Variants in DCTN4 observed in about 807,000 individuals in gnomAD.
The protein encoded by DCTN4 is dynactin 4 (p62).
A neutral mutation model predicts 62.7 loss-of-function variants in DCTN4; 23 were observed. The observed-to-expected ratio is 0.37, with a 90% CI of 0.26 to 0.52. The LOEUF (loss-of-function observed/expected upper bound fraction) is 0.52, where lower values mean the gene tolerates loss of function less well. Among genes scored for constraint, DCTN4 ranks in the 20% least tolerant of loss-of-function variants. DCTN4 has a pLI of 0.92. For synonymous variants in DCTN4, 199 were observed against 202.1 expected (o/e 0.98, Z 0.13); for missense variants, 514 against 580.4 (o/e 0.89, Z 1.18).
chr5:150,715,747 GAAGCAC>G (rs1370747589), intron 11 of DCTN4, 85 bp from the exon 12 acceptor site: 2 of 1,050,940 alleles, frequency 1.9e-6, no homozygotes, highest in African/African-American at 3.1e-5. Context: ...TAGACAAATG[GAAGCAC>G]ACAGCAAGTT....
At position 150,718,264 on chromosome 5, in the gene DCTN4, A is replaced by C. The variant is rs1759838231; in HGVS notation, c.1071+12T>G. The C allele has an allele frequency of 6.2e-7, 1 of 1,601,172 alleles. No individual in the cohort carries two copies. The highest frequency in any genetic ancestry group is 1.1e-5 in the South Asian group (1 of 90,488). On this transcript the variant is annotated intron_variant, in intron 11 of 12. Transcript: ENST00000447998. ...AGTGCGGGTCAGTCAGGCTGAGGCA[A>C]AATGCTCCTACCTTAGCAGTGCTGT...
intron 3 of DCTN4, 85 bp from the exon 4 acceptor site, chr5:150,742,242 A>G: frequency 1.5e-6 from 2 of 1,379,296 alleles, no homozygotes. Context: ...GGCCATAAAA[A>G]GAAACTTAAA....
At position 150,710,876 on chromosome 5, in the gene DCTN4, T is replaced by C; in HGVS notation, c.*273A>G. The C allele has an allele frequency of 2.2e-6, 1 of 449,372 alleles. No homozygotes were observed. The highest frequency in any genetic ancestry group is 4.1e-6 in the Non-Finnish European group (1 of 243,334). 27.8% of individuals were successfully genotyped at this position (449,372 alleles called of 1,614,324 possible). ...CCATTCCAAGGAACACCCATCCCCT[T>C]TCCTAGGATGGAATTATGCTGCTGT... On this transcript the variant is annotated 3_prime_UTR_variant, in exon 13 of 13. Transcript: ENST00000447998.
chr5:150,717,499 T>C (rs13354573), intron 11 of DCTN4, among the ~76,000 whole-genome samples: 35,486 of 152,178 alleles, frequency 0.23, 9,307 homozygotes, highest in African/African-American at 0.65. Flanking sequence ...CCACTCACCT[T>C]GGCCTCCCAA....
rs1759496673 is a variant in DCTN4 at position 150,709,856 on chromosome 5, T to C, written c.*1293A>G. On this transcript the variant is annotated 3_prime_UTR_variant, in exon 13 of 13. Coordinates refer to ENST00000447998, the MANE Select transcript of DCTN4 (RefSeq NM_016221.4). ...AAATCTGTATTTTCCTCAAGTCTCT[T>C]GGCCACTTACTAACAATACTTTTAC... The C allele has an allele frequency of 6.6e-6, 1 of 152,374 alleles. No individual in the cohort carries two copies. The highest frequency in any genetic ancestry group is 1.9e-4 in the East Asian group (1 of 5,342). The allele number at this position is 152,374 out of a possible 1,614,324, so 9.4% of individuals were successfully genotyped here. A position where few individuals can be genotyped will look rare whatever the true frequency, so the allele number is the denominator to read the frequency against.
At chr5:150,737,187 C>A (rs1348570252) in intron 4 of DCTN4, among the ~76,000 whole-genome samples, 1 of 152,146 alleles carries the variant, frequency 6.6e-6, no homozygotes, top group East Asian at 1.9e-4. Context: ...AACGCTCCAC[C>A]AACAGCACTA....
At chr5:150,745,790 C>T (rs918108403) in intron 3 of DCTN4, among the ~76,000 whole-genome samples, 1 of 151,818 alleles carries the variant, frequency 6.6e-6, no homozygotes, top group East Asian at 1.9e-4. Flanking sequence ...ACATTCAAAG[C>T]AGTGTGTAGA....
intron 8 of DCTN4, among the ~76,000 whole-genome samples, chr5:150,725,212 T>C (rs1760100122): frequency 6.6e-6 from 1 of 151,602 alleles, no homozygotes; most frequent in South Asian, 2.1e-4. Context: ...TTTTATAAAT[T>C]TATAGTACTC....
At chr5:150,730,490 T>A in intron 8 of DCTN4, 141 bp downstream of exon 8, 1 of 690,426 alleles carries the variant, frequency 1.4e-6, no homozygotes, top group Non-Finnish European at 2.5e-6. Flanking sequence ...TTTAAAATAG[T>A]GCCTGGCAAT....
rs1759483811 is a variant in DCTN4 at position 150,709,421 on chromosome 5, AG to A, written c.*1727del. On this transcript the variant is annotated 3_prime_UTR_variant, in exon 13 of 13. Coordinates refer to ENST00000447998, the MANE Select transcript of DCTN4 (RefSeq NM_016221.4). ...TTTCCTCCACTGGCAAATATGGAGC[AG>A]TGATTTCACAGTAGGCTCTAGCAGG... 2.0e-5 allele frequency: 3 copies of A among 152,388 alleles called. No homozygotes were observed. Among genetic ancestry groups the A allele is most frequent in the African/African-American group, 7.2e-5 (3 of 41,468 alleles). The allele number at this position is 152,388 out of a possible 1,614,324, so 9.4% of individuals were successfully genotyped here. A position where few individuals can be genotyped will look rare whatever the true frequency, so the allele number is the denominator to read the frequency against.
intron 3 of DCTN4, among the ~76,000 whole-genome samples, chr5:150,746,330 T>A (rs1310661669): frequency 6.6e-6 from 1 of 152,150 alleles, no homozygotes. Context: ...CAGGACCAGA[T>A]GGAATCATAG....
chr5:150,738,068 A>G (rs1760641894), intron 4 of DCTN4, among the ~76,000 whole-genome samples: 1 of 152,212 alleles, frequency 6.6e-6, no homozygotes, highest in Non-Finnish European at 1.5e-5. Context: ...TAAACCAGGA[A>G]GAAATAGGAA....
At chr5:150,746,818 C>G (rs1020206234) in intron 3 of DCTN4, among the ~76,000 whole-genome samples, 10 of 152,120 alleles carry the variant, frequency 6.6e-5, no homozygotes, top group African/African-American at 2.4e-4. Context: ...TATCACAAAC[C>G]CACAGCCAAT....
At chr5:150,723,730 C>G (rs1430191346) in intron 8 of DCTN4, among the ~76,000 whole-genome samples, 1 of 152,174 alleles carries the variant, frequency 6.6e-6, no homozygotes, top group Non-Finnish European at 1.5e-5. Flanking sequence ...GTAAAGATTA[C>G]CCATTATCTG....
intron 4 of DCTN4, among the ~76,000 whole-genome samples, chr5:150,740,372 G>C (rs1488837031): frequency 6.6e-6 from 1 of 151,054 alleles, no homozygotes; most frequent in African/African-American, 2.4e-5. Context: ...ACTCCTGCAA[G>C]AATGGCCTTA....
chr5:150,731,130 T>A lies in DCTN4; in HGVS notation c.638A>T (p.Glu213Val). The A allele has an allele frequency of 6.2e-7, 1 of 1,612,056 alleles. No individual in the cohort carries two copies. Among genetic ancestry groups the A allele is most frequent in the Non-Finnish European group, 8.5e-7 (1 of 1,178,180 alleles). ...LSLKEGEDQK[E>V]IKIEPAQAVD... The stretch of plus-strand genomic sequence containing the variant: ...AGCCTGAGCTGGCTCAATCTTTATC[T>A]CTTTCTGATCCTCTCCTTCTTTAAG... Residue 213 changes from glutamate to valine, a missense_variant, in exon 7 of 13, where the codon GAG becomes GTG. Physicochemically the swap from Glu to Val is moderately radical, Grantham distance 121. Coordinates refer to ENST00000447998, the MANE Select transcript of DCTN4 (RefSeq NM_016221.4).
chr5:150,758,864 G>C lies in DCTN4; in HGVS notation c.130C>G (p.His44Asp), dbSNP rs779350021. Residue 44 changes from histidine (H) to aspartate (D), a missense_variant, in exon 1 of 13, where the codon CAC becomes GAC. Transcript: ENST00000447998. ...CTATAGGGCGACTCTGTTACCTCGT[G>C]AGACACACATTCCAGCGACCGCAGT... The part of the protein sequence containing the change: ...SELRSLECVS[H>D]EVDSHYCPSC... 1 of 1,613,888 alleles carries C rather than the reference G, an allele frequency of 6.2e-7. No homozygotes were observed. The highest frequency in any genetic ancestry group is 1.3e-5 in the African/African-American group (1 of 74,878).
chr5:150,732,049 C>T, intron 5 of DCTN4: 1 of 766,660 alleles, frequency 1.3e-6, no homozygotes, highest in Non-Finnish European at 2.3e-6. Context: ...CTAAATATAA[C>T]ACACATTGGT....
At position 150,755,704 on chromosome 5, in the gene DCTN4, G is replaced by T. The variant is rs949035917; in HGVS notation, c.206+713C>A. On this transcript the variant is annotated intron_variant, in intron 2 of 12. Coordinates refer to ENST00000447998, the MANE Select transcript of DCTN4 (RefSeq NM_016221.4). Reference sequence around the variant, plus strand: ...TCTCCTATCACACCACACCCAAGAGGAGTCTAGAGACATAACTATAAATAT... The same window carrying T: ...TCTCCTATCACACCACACCCAAGAGTAGTCTAGAGACATAACTATAAATAT... The T allele has an allele frequency of 1.1e-5, 4 of 367,182 alleles. No homozygotes were observed. In the East Asian group the frequency reaches 3.0e-4, roughly 27 times the overall value. 22.7% of individuals were successfully genotyped at this position (367,182 alleles called of 1,614,324 possible).
Sources: gnomAD v4.1 joint callset for allele counts (sites outside exome capture counted in the v4.1 genomes callset) on GRCh38, gnomAD v4.1.1 for gene constraint, MANE v1.5 for transcripts, NCBI Gene and HGNC (gene_info 2026-07-23, HGNC 2026-07-21) for gene names.